Variants in PPFIA2 observed in about 807,000 individuals in gnomAD.
PPFIA2 encodes the protein PPFI scaffold protein A2, also known as liprin-alpha-2.
A neutral mutation model predicts 175.5 loss-of-function variants in PPFIA2; 46 were observed. The ratio of observed to expected loss-of-function variants is 0.26; its 90% CI spans 0.21 to 0.34. The LOEUF (loss-of-function observed/expected upper bound fraction) is 0.34, where lower values mean the gene tolerates loss of function less well. Ranked by LOEUF, PPFIA2 falls within the 10% of genes least tolerant of loss-of-function variation. PPFIA2 has a pLI of 1.00. For synonymous variants in PPFIA2, 568 were observed against 511.4 expected (o/e 1.11, Z -1.49); for missense variants, 1,179 against 1,506.1 (o/e 0.78, Z 3.60).
intron 3 of PPFIA2, among the ~76,000 whole-genome samples, chr12:81,707,859 C>T (rs1327827472): frequency 6.6e-6 from 1 of 150,914 alleles, no homozygotes; most frequent in Non-Finnish European, 1.5e-5. Flanking sequence ...ATGATGAGTT[C>T]ATGTCCTTTG....
chr12:81,476,955 G>T (rs1183246949), intron 4 of PPFIA2, among the ~76,000 whole-genome samples: 1 of 152,048 alleles, frequency 6.6e-6, no homozygotes, highest in East Asian at 1.9e-4. Flanking sequence ...AGCTAACCCA[G>T]GAACAGAAAA....
intron 4 of PPFIA2, among the ~76,000 whole-genome samples, chr12:81,516,303 T>C (rs996717457): frequency 6.6e-6 from 1 of 152,158 alleles, no homozygotes; most frequent in African/African-American, 2.4e-5. Flanking sequence ...TAATATATAA[T>C]GTTCCTGTCT....
At chr12:81,585,924 G>A (rs2075246937) in intron 4 of PPFIA2, among the ~76,000 whole-genome samples, 1 of 151,850 alleles carries the variant, frequency 6.6e-6, no homozygotes, top group Admixed American at 6.6e-5. Flanking sequence ...CCAGCATGAT[G>A]CATTGTGCTA....
chr12:81,560,031 C>G (rs1244699972), intron 4 of PPFIA2, among the ~76,000 whole-genome samples: 1 of 152,058 alleles, frequency 6.6e-6, no homozygotes, highest in Non-Finnish European at 1.5e-5. Flanking sequence ...GAGCTATGAG[C>G]CTTCTTTCTT....
chr12:81,545,921 T>C (rs950601415), intron 4 of PPFIA2: 1 of 152,014 alleles, frequency 6.6e-6, no homozygotes, highest in African/African-American at 2.4e-5. Context: ...GGTCAGAAGT[T>C]CGAGACCAGC....
rs1174935010 is a variant in PPFIA2 at position 81,381,508 on chromosome 12, GA to G, written c.984+2514del. Among the ~76,000 whole-genome samples the G allele has an allele frequency of 2.6e-5, 4 of 152,218 alleles. No homozygotes were observed. The South Asian group carries it at 6.2e-4, about 24-fold the overall frequency. On this transcript the variant is annotated intron_variant, in intron 9 of 32. Coordinates refer to ENST00000549396, the MANE Select transcript of PPFIA2 (RefSeq NM_003625.5). ...AGAGCAATGAGTACTAAGATGAAAG[GA>G]AATCATCTAAATCTCCAGGGCCAAG... is the stretch of plus-strand genomic sequence containing the variant.
At chr12:81,285,903 G>A (rs2043216464) in intron 24 of PPFIA2, among the ~76,000 whole-genome samples, 1 of 152,000 alleles carries the variant, frequency 6.6e-6, no homozygotes, top group Non-Finnish European at 1.5e-5. Context: ...TCCTTGGGAG[G>A]CATCTCAAAA....
At chr12:81,581,399 C>T (rs1254329757) in intron 4 of PPFIA2, among the ~76,000 whole-genome samples, 2 of 151,488 alleles carry the variant, frequency 1.3e-5, no homozygotes, top group African/African-American at 2.4e-5. Context: ...AAAGAGACTG[C>T]CCTTCAGTGC....
At chr12:81,368,392 T>C (rs574405284) in intron 13 of PPFIA2, among the ~76,000 whole-genome samples, 4 of 151,768 alleles carry the variant, frequency 2.6e-5, no homozygotes, top group Admixed American at 1.3e-4. Flanking sequence ...CAAAAAAGTA[T>C]TGACTTGTGT....
intron 4 of PPFIA2, among the ~76,000 whole-genome samples, chr12:81,587,141 A>G (rs1441507194): frequency 2.0e-5 from 3 of 151,956 alleles, no homozygotes; most frequent in Non-Finnish European, 4.4e-5. Flanking sequence ...GGTCATTGAT[A>G]TGGTTTGCAT....
chr12:81,387,857 G>T (rs996892170), intron 8 of PPFIA2, among the ~76,000 whole-genome samples: 3 of 152,046 alleles, frequency 2.0e-5, no homozygotes, highest in East Asian at 1.9e-4. Flanking sequence ...AGATAGTTGT[G>T]TACTGTAGAA....
At chr12:81,531,056 C>A (rs2064472515) in intron 4 of PPFIA2, among the ~76,000 whole-genome samples, 1 of 151,844 alleles carries the variant, frequency 6.6e-6, no homozygotes, top group African/African-American at 2.4e-5. Flanking sequence ...TACTCTTAAA[C>A]TTTTATAAAT....
intron 4 of PPFIA2, among the ~76,000 whole-genome samples, chr12:81,606,572 G>A (rs79847559): frequency 3.3e-5 from 5 of 152,058 alleles, no homozygotes; most frequent in African/African-American, 9.7e-5. Flanking sequence ...GATGCTTAGT[G>A]ATGTTCAGTA....
At chr12:81,419,529 G>GT (rs918193535) in intron 7 of PPFIA2, among the ~76,000 whole-genome samples, 7 of 151,534 alleles carry the variant, frequency 4.6e-5, no homozygotes, top group East Asian at 1.9e-4. Flanking sequence ...ATTTTTTTCT[G>GT]TTTTTTTATT....
At chr12:81,479,291 C>T (rs2057892720) in intron 4 of PPFIA2, among the ~76,000 whole-genome samples, 2 of 152,158 alleles carry the variant, frequency 1.3e-5, no homozygotes, top group Non-Finnish European at 2.9e-5. Context: ...AAATATTCCT[C>T]CGTCCCTTTA....
chr12:81,567,909 G>A (rs1242850060), intron 4 of PPFIA2, among the ~76,000 whole-genome samples: 1 of 152,162 alleles, frequency 6.6e-6, no homozygotes, highest in African/African-American at 2.4e-5. Context: ...CAGAAATGTA[G>A]GTGGCCTGGC....
chr12:81,532,531 G>T (rs1039608626), intron 4 of PPFIA2, among the ~76,000 whole-genome samples: 1 of 151,634 alleles, frequency 6.6e-6, no homozygotes, highest in East Asian at 1.9e-4. Flanking sequence ...GCAAACAAAA[G>T]GCTCTGGGTA....
intron 4 of PPFIA2, among the ~76,000 whole-genome samples, chr12:81,602,581 A>C (rs2059907248): frequency 6.6e-6 from 1 of 151,886 alleles, no homozygotes; most frequent in Non-Finnish European, 1.5e-5. Flanking sequence ...TTTTGTTGAA[A>C]GCTAACAACC....
At chr12:81,328,576 A>C (rs1467945428) in intron 21 of PPFIA2, among the ~76,000 whole-genome samples, 1 of 152,182 alleles carries the variant, frequency 6.6e-6, no homozygotes, top group Non-Finnish European at 1.5e-5. Flanking sequence ...TTAAAATTAC[A>C]TATGTGGTTC....
Sources: gnomAD v4.1 joint callset for allele counts (sites outside exome capture counted in the v4.1 genomes callset) on GRCh38, gnomAD v4.1.1 for gene constraint, MANE v1.5 for transcripts, NCBI Gene and HGNC (gene_info 2026-07-23, HGNC 2026-07-21) for gene names.